The following OTOG variants were observed in gnomAD, a reference collection of about 807,000 sequenced individuals.
The protein encoded by OTOG is otogelin.
Under a neutral mutation model 313.8 loss-of-function variants are expected in OTOG, and 296 were observed. That is an observed-to-expected ratio of 0.94 (90% CI 0.86 to 1.04). The LOEUF (loss-of-function observed/expected upper bound fraction) is 1.04. Among genes scored for constraint, OTOG ranks in the 50% least tolerant of loss-of-function variants. The pLI is 0.00. For missense variants in OTOG, 3,948 were observed against 3,840.1 expected (o/e 1.03, Z -0.74); for synonymous variants, 1,533 against 1,554.9 (o/e 0.99, Z 0.33).
At chr11:17,564,652 A>G (rs549641474) in intron 15 of OTOG, among the ~76,000 whole-genome samples, 14 of 152,226 alleles carry the variant, frequency 9.2e-5, no homozygotes, top group Non-Finnish European at 1.6e-4. Flanking sequence ...TGGAGTGGGG[A>G]CATTCACAGA....
Position 17,640,912 on chromosome 11 carries a change from G to A in OTOG, c.8012-1G>A. 6.5e-7 allele frequency: 1 copy of A among 1,548,528 alleles called. No homozygotes were observed. Among genetic ancestry groups the A allele is most frequent in the Non-Finnish European group, 8.7e-7 (1 of 1,146,860 alleles). ...TGTTGCCGCCCTGCATGCCCATCCA[G>A]TGAAGGCCCCGGTGTGTCTGAGCCG... On this transcript the variant is annotated splice_acceptor_variant, in intron 50 of 55. Transcript: ENST00000399397. LOFTEE classifies it high-confidence loss of function.
intron 23 of OTOG, among the ~76,000 whole-genome samples, chr11:17,580,424 C>T (rs1852639214): frequency 6.6e-6 from 1 of 152,248 alleles, no homozygotes; most frequent in Non-Finnish European, 1.5e-5. Flanking sequence ...TGCAAATAAC[C>T]TCCCTGAGGG....
chr11:17,561,567 G>A, intron 14 of OTOG, 95 bp from the exon 15 acceptor site: 1 of 1,301,854 alleles, frequency 7.7e-7, no homozygotes, highest in Non-Finnish European at 1.1e-6. Flanking sequence ...TATTCTGGAG[G>A]GCAGGGTGCT....
intron 39 of OTOG, among the ~76,000 whole-genome samples, chr11:17,626,321 G>A (rs1027191767): frequency 2.0e-5 from 3 of 152,152 alleles, no homozygotes; most frequent in Admixed American, 2.0e-4. Flanking sequence ...GGTTACAGGT[G>A]TACACCATCA....
chr11:17,613,734 G>T, intron 39 of OTOG, 33 bp downstream of exon 39: 1 of 1,533,362 alleles, frequency 6.5e-7, no homozygotes, highest in South Asian at 1.2e-5. Flanking sequence ...CTCCAGGGCA[G>T]GGCCACAGTC....
chr11:17,560,294 C>G (rs1447477144), intron 12 of OTOG, among the ~76,000 whole-genome samples: 1 of 152,100 alleles, frequency 6.6e-6, no homozygotes, highest in Non-Finnish European at 1.5e-5. Flanking sequence ...TATGACCAGT[C>G]TAAGGTATGA....
rs533846215 is a variant in OTOG, at chr11:17,606,667, T to C, written c.4156+532T>C. Among the ~76,000 whole-genome samples, 33 of 152,318 alleles carry C rather than the reference T, an allele frequency of 2.2e-4. No homozygotes were observed. The South Asian group carries it at 6.8e-3, about 32-fold the overall frequency. On this transcript the variant is annotated intron_variant, in intron 33 of 55. Transcript: ENST00000399397. ...GCCAGGTGTGTCTGTCCCCAAAATA[T>C]TGTTCTCTGCCTAAACCCTGGAGAA...
chr11:17,586,445 C>T (rs1001804010), intron 23 of OTOG, 29 bp from the exon 24 acceptor site: 5 of 1,319,092 alleles, frequency 3.8e-6, no homozygotes, highest in Non-Finnish European at 3.9e-6. Context: ...GAGTGCTCTC[C>T]TGACCGCCTG....
At chr11:17,584,309 G>T in intron 23 of OTOG, among the ~76,000 whole-genome samples, 1 of 152,010 alleles carries the variant, frequency 6.6e-6, no homozygotes, top group Middle Eastern at 3.2e-3. Flanking sequence ...TTGCCTTATT[G>T]TGCTGTATTG....
chr11:17,608,343 G>C lies in OTOG; in HGVS notation c.4204G>C (p.Asp1402His), dbSNP rs934642427. 2 of 1,547,478 alleles carry C rather than the reference G, an allele frequency of 1.3e-6. No individual in the cohort carries two copies. The highest frequency in any genetic ancestry group is 2.7e-5 in the African/African-American group (2 of 73,046). The change falls in exon 34 of 56, where the codon GAT becomes CAT. Residue 1402 changes from aspartate to histidine, a missense_variant. Transcript: ENST00000399397. ...AAYPICEWRY[D>H]ACASPCFQTC... ...CTACCCCATCTGCGAGTGGCGCTAC[G>C]ATGCCTGTGCCAGCCCCTGCTTCCA...
At chr11:17,577,804 A>G (rs1001372889) in intron 22 of OTOG, among the ~76,000 whole-genome samples, 6 of 152,124 alleles carry the variant, frequency 3.9e-5, no homozygotes, top group Non-Finnish European at 5.9e-5. Context: ...AATTTTCCTA[A>G]AAAAGATCAC....
At position 17,559,167 on chromosome 11, in the gene OTOG, T is replaced by G; in HGVS notation, c.1213+6T>G. 6.5e-7 allele frequency: 1 copy of G among 1,533,806 alleles called. No individual in the cohort carries two copies. Among genetic ancestry groups the G allele is most frequent in the Non-Finnish European group, 8.7e-7 (1 of 1,144,384 alleles). ...GACCCAGCTCCGGCAATGCAGTAGG[T>G]GCAGCCCAGTAGTGGGGCAGGGAGG... is the stretch of plus-strand genomic sequence containing the variant. On this transcript the variant is annotated splice_donor_region_variant and intron_variant, in intron 11 of 55. Transcript: ENST00000399397.
At position 17,574,889 on chromosome 11, in the gene OTOG, C is replaced by A; in HGVS notation, c.2463C>A (p.Thr821=). Residue 821 remains threonine, a synonymous_variant, in exon 20 of 56, where the codon ACC becomes ACA. Transcript: ENST00000399397. ...CACPPDTYLD[T]QADLCVPRNQ... ...GCCCACCGGACACCTATCTGGACAC[C>A]CAGGCTGACCTCTGTGTCCCCCGGT... is the stretch of plus-strand genomic sequence containing the variant. 1 of 1,526,498 alleles carries A rather than the reference C, an allele frequency of 6.6e-7. No homozygotes were observed. 94.6% of individuals were successfully genotyped at this position (1,526,498 alleles called of 1,614,324 possible). A position where few individuals can be genotyped will look rare whatever the true frequency, so the allele number is the denominator to read the frequency against.
chr11:17,555,203 A>AGGG (rs1852027181), intron 6 of OTOG, among the ~76,000 whole-genome samples: 1 of 116,240 alleles, frequency 8.6e-6, no homozygotes, highest in African/African-American at 3.8e-5. Flanking sequence ...TGGCGGGGGC[A>AGGG]GAGATGTGTG....
rs1260613026 is a variant in OTOG at position 17,611,176 on chromosome 11, C to T, written c.5876C>T (p.Pro1959Leu). The T allele has an allele frequency of 6.4e-7, 1 of 1,550,440 alleles. No individual in the cohort carries two copies. The highest frequency in any genetic ancestry group is 1.4e-5 in the African/African-American group (1 of 73,050). The change falls in exon 36 of 56, where the codon CCA becomes CTA. Residue 1959 changes from proline to leucine, a missense_variant. By Grantham distance (98) the Pro-to-Leu change is moderately conservative. Coordinates refer to ENST00000399397, the MANE Select transcript of OTOG (RefSeq NM_001292063.2). ...PEGAQAGTAL[P>L]VPTSYALSRV... is the part of the protein sequence containing the mutation. Reference sequence around the variant, plus strand: ...GGAGCCCAGGCAGGCACAGCTCTGCCAGTGCCCACATCCTATGCCCTGAGC... The same window carrying T: ...GGAGCCCAGGCAGGCACAGCTCTGCTAGTGCCCACATCCTATGCCCTGAGC...
intron 53 of OTOG, 74 bp from the exon 54 acceptor site, chr11:17,643,387 T>A (rs1226263387): frequency 1.9e-6 from 2 of 1,073,528 alleles, no homozygotes; most frequent in Admixed American, 3.7e-5. Flanking sequence ...ACTCTGCCTG[T>A]TTCTGGGATC....
At chr11:17,594,358 C>A (rs1049972359) in intron 28 of OTOG, among the ~76,000 whole-genome samples, 192 bp downstream of exon 28, 1 of 152,208 alleles carries the variant, frequency 6.6e-6, no homozygotes, top group African/African-American at 2.4e-5. Flanking sequence ...TCTTGTCTCA[C>A]AAATCCAGCT....
Position 17,610,393 on chromosome 11 carries a change from C to T in OTOG, c.5093C>T (p.Thr1698Ile). 6.4e-7 allele frequency: 1 copy of T among 1,550,420 alleles called. No individual in the cohort carries two copies. The highest frequency in any genetic ancestry group is 8.7e-7 in the Non-Finnish European group (1 of 1,146,808). Residue 1698 changes from threonine to isoleucine, a missense_variant, in exon 36 of 56, where the codon ACT becomes ATT. Transcript: ENST00000399397. ...QSASSPSTPLTVAGTAAEQVP... is the reference protein window; with the variant it reads ...QSASSPSTPLIVAGTAAEQVP... ...GCTTCAAGTCCCAGCACCCCTCTAA[C>T]TGTGGCTGGAACAGCAGCAGAACAG...
intron 47 of OTOG, 94 bp from the exon 48 acceptor site, chr11:17,638,357 G>A: frequency 9.4e-7 from 1 of 1,066,972 alleles, no homozygotes; most frequent in East Asian, 2.6e-5. Flanking sequence ...GGAGGAGCTG[G>A]GGGTAGCCTC....
Sources: gnomAD v4.1 joint callset for allele counts (sites outside exome capture counted in the v4.1 genomes callset) on GRCh38, gnomAD v4.1.1 for gene constraint, MANE v1.5 for transcripts, NCBI Gene and HGNC (gene_info 2026-07-23, HGNC 2026-07-21) for gene names.